Variants in FAM193A observed in about 807,000 individuals in gnomAD.
The protein encoded by FAM193A is family with sequence similarity 193 member A, also known as protein FAM193A.
FAM193A carries 22 observed loss-of-function variants against 126.5 expected under a neutral mutation model. That is an observed-to-expected ratio of 0.17 (90% confidence interval 0.12 to 0.25). FAM193A has a LOEUF of 0.25. Among genes scored for constraint, FAM193A ranks in the 10% least tolerant of loss-of-function variants. The probability of loss-of-function intolerance (pLI) is 1.00; values close to 1 mark genes in which losing one functional copy is unlikely to be tolerated. For synonymous variants in FAM193A, 761 were observed against 646.8 expected, an observed-to-expected ratio of 1.18 and a Z score of -2.68; for missense variants, 1,675 against 1,672.8, an observed-to-expected ratio of 1.00 and a Z score of -0.02.
chr4:2,646,875 G>C, intron 7 of FAM193A, 43 bp downstream of exon 7: 3 of 1,567,028 alleles, frequency 1.9e-6, no homozygotes, highest in Non-Finnish European at 1.7e-6. Flanking sequence ...CACATCCTCA[G>C]ACGGCCCTGT....
At chr4:2,724,580 C>A (rs1477176523) in intron 20 of FAM193A, among the ~76,000 whole-genome samples, 1 of 152,154 alleles carries the variant, frequency 6.6e-6, no homozygotes, top group Non-Finnish European at 1.5e-5. Context: ...CCAGGCACAG[C>A]GTTCACACCT....
intron 1 of FAM193A, among the ~76,000 whole-genome samples, chr4:2,551,024 T>C (rs1489594298): frequency 6.6e-6 from 1 of 152,040 alleles, no homozygotes; most frequent in Non-Finnish European, 1.5e-5. Flanking sequence ...ATGGTCTTGA[T>C]CTCTTGACCT....
intron 6 of FAM193A, 138 bp downstream of exon 6, chr4:2,639,997 T>G: frequency 1.2e-6 from 1 of 821,556 alleles, no homozygotes; most frequent in Non-Finnish European, 1.8e-6. Context: ...AAAAAGATAG[T>G]TTGGGCCAAA....
intron 2 of FAM193A, among the ~76,000 whole-genome samples, chr4:2,613,357 T>G (rs1430964512): frequency 6.6e-6 from 1 of 151,862 alleles, no homozygotes; most frequent in African/African-American, 2.4e-5. Context: ...ATTTGTTTAT[T>G]GCTAGTACAT....
chr4:2,548,492 C>T (rs1578570467), intron 1 of FAM193A, among the ~76,000 whole-genome samples: 3 of 148,674 alleles, frequency 2.0e-5, no homozygotes, highest in South Asian at 2.2e-4. Flanking sequence ...TGTCTCATTC[C>T]GTCACCCAGG....
At chr4:2,662,753 A>C in intron 10 of FAM193A, 85 bp from the exon 11 acceptor site, 3 of 1,050,554 alleles carry the variant, frequency 2.9e-6, no homozygotes, top group Non-Finnish European at 4.3e-6. Context: ...TGATCTGTCC[A>C]GGAAATATCT....
intron 5 of FAM193A, among the ~76,000 whole-genome samples, chr4:2,635,441 C>T (rs527668552): frequency 6.6e-6 from 1 of 152,176 alleles, no homozygotes; most frequent in East Asian, 1.9e-4. Flanking sequence ...AATGTAAACT[C>T]TCATTAGATT....
chr4:2,630,703 C>T (rs115197152), intron 4 of FAM193A, among the ~76,000 whole-genome samples: 4,666 of 152,332 alleles, frequency 0.031, 225 homozygotes, highest in African/African-American at 0.11. Flanking sequence ...CAGTGCTGTA[C>T]AGAGAAAGCT....
intron 19 of FAM193A, among the ~76,000 whole-genome samples, chr4:2,708,956 T>A (rs2109343510): frequency 6.6e-6 from 1 of 152,312 alleles, no homozygotes; most frequent in African/African-American, 2.4e-5. Context: ...TTAACAGAAA[T>A]GTCTCTGGTG....
Position 2,659,867 on chromosome 4 carries a change from C to A in FAM193A, c.1558C>A (p.Pro520Thr), listed in dbSNP as rs761605899. ...CATCCTCACGTGTGGTATCATGGAC[C>A]CCCCCGTCACTGATGACATCCACAT... The part of the protein sequence containing the change: ...SHILTCGIMD[P>T]PVTDDIHIHQ... The change falls in exon 10 of 21, where the codon CCC becomes ACC. Residue 520 changes from proline to threonine, a missense_variant. By Grantham distance (38) the Pro-to-Thr change is conservative. Coordinates refer to ENST00000637812, the MANE Select transcript of FAM193A (RefSeq NM_001366318.2). 1.4e-5 allele frequency: 23 copies of A among 1,613,952 alleles called. No individual in the cohort carries two copies. Among genetic ancestry groups the A allele is most frequent in the Admixed American group, 6.7e-5 (4 of 60,014 alleles).
At chr4:2,689,277 A>G (rs1716091156) in intron 13 of FAM193A, among the ~76,000 whole-genome samples, 1 of 152,200 alleles carries the variant, frequency 6.6e-6, no homozygotes, top group African/African-American at 2.4e-5. Context: ...ATACTCCTCA[A>G]GGCATCGGTT....
At chr4:2,537,491 G>A (rs950698536) in intron 1 of FAM193A, among the ~76,000 whole-genome samples, 1 of 152,222 alleles carries the variant, frequency 6.6e-6, no homozygotes, top group Non-Finnish European at 1.5e-5. Context: ...GGGCGGGGAC[G>A]TCTCCGGGGT....
chr4:2,714,201 G>C (rs1229213181), intron 19 of FAM193A, among the ~76,000 whole-genome samples: 1 of 152,078 alleles, frequency 6.6e-6, no homozygotes, highest in Admixed American at 6.6e-5. Context: ...TCTCACCCTT[G>C]CTTGTGCATC....
intron 7 of FAM193A, among the ~76,000 whole-genome samples, chr4:2,657,201 A>G (rs897764054): frequency 1.3e-5 from 2 of 150,552 alleles, no homozygotes; most frequent in African/African-American, 4.8e-5. Context: ...ATATGTACCC[A>G]TATCCTTTCT....
chr4:2,704,112 A>G (rs933561656), intron 19 of FAM193A, among the ~76,000 whole-genome samples: 1 of 150,684 alleles, frequency 6.6e-6, no homozygotes, highest in African/African-American at 2.4e-5. Flanking sequence ...AAAATACAAA[A>G]ATCAGTTGGG....
At chr4:2,571,504 G>C (rs879352168) in intron 1 of FAM193A, among the ~76,000 whole-genome samples, 1 of 152,028 alleles carries the variant, frequency 6.6e-6, no homozygotes, top group Non-Finnish European at 1.5e-5. Context: ...TTGTGGAAAA[G>C]GGTTTTGAGA....
intron 1 of FAM193A, among the ~76,000 whole-genome samples, chr4:2,560,614 GGTT>G (rs1738552472): frequency 6.6e-6 from 1 of 152,158 alleles, no homozygotes; most frequent in Non-Finnish European, 1.5e-5. Context: ...GTGCTCCAGG[GGTT>G]GTTAACTGAT....
rs530200007 is a variant in FAM193A, at chr4:2,647,153, C to CT, written c.1311+330dup. Among the ~76,000 whole-genome samples the CT allele has an allele frequency of 4.6e-5, 7 of 150,924 alleles. No individual in the cohort carries two copies. In the South Asian group the frequency reaches 6.3e-4, roughly 14 times the overall value. Reference sequence around the variant, plus strand: ...TCTGCACCCCAGGTAGGAGGTTTTTCTTTTTTTTTGAGATGGAGTTTTGCT... The same window carrying CT: ...TCTGCACCCCAGGTAGGAGGTTTTTCTTTTTTTTTTGAGATGGAGTTTTGCT... On this transcript the variant is annotated intron_variant, in intron 7 of 20. Transcript: ENST00000637812.
rs1441714100 is a variant in FAM193A, at chr4:2,699,710, G to T, written c.3538G>T (p.Ala1180Ser). ...GGAGAAAGCTCGCCTAGAAGCAGAG[G>T]CCAGGGCCCGGGAGCACCTGCACCT... ...LEEKARLEAE[A>S]RAREHLHLQE... Residue 1180 changes from alanine to serine, a missense_variant, in exon 19 of 21, where the codon GCC becomes TCC. This residue lies in a region of FAM193A where 415 missense variants were observed against 396.7 expected (regional missense o/e 1.05). Transcript: ENST00000637812. 1 of 1,612,468 alleles carries T rather than the reference G, an allele frequency of 6.2e-7. No individual in the cohort carries two copies. The highest frequency in any genetic ancestry group is 8.5e-7 in the Non-Finnish European group (1 of 1,179,532).
Sources: gnomAD v4.1 joint callset for allele counts (sites outside exome capture counted in the v4.1 genomes callset) on GRCh38, gnomAD v4.1.1 for gene constraint, gnomAD v4.1.1 regional missense constraint, MANE v1.5 for transcripts, NCBI Gene and HGNC (gene_info 2026-07-23, HGNC 2026-07-21) for gene names.